Variants in NLGN4X observed in about 807,000 individuals in gnomAD.
The protein encoded by NLGN4X is neuroligin 4 X-linked, also known as neuroligin-4, X-linked.
Under a neutral mutation model 40.3 loss-of-function variants are expected in NLGN4X, and 3 were observed. The ratio of observed to expected loss-of-function variants is 0.07; its 90% confidence interval spans 0.03 to 0.19. The LOEUF (loss-of-function observed/expected upper bound fraction) is 0.19. Ranked by LOEUF, NLGN4X falls within the 10% of genes least tolerant of loss-of-function variation. The pLI, the probability that NLGN4X is intolerant of heterozygous loss-of-function variation, is 1.00. For missense variants in NLGN4X, 382 were observed against 708.3 expected (o/e 0.54, Z 5.23); for synonymous variants, 270 against 306.8 (o/e 0.88, Z 1.25).
chrX:6,134,114 G>T (rs1415588777), intron 2 of NLGN4X, among the ~76,000 whole-genome samples: 1 of 111,203 alleles, frequency 9.0e-6, no homozygotes, highest in Non-Finnish European at 1.9e-5. Flanking sequence ...TCCTGGTTGA[G>T]CTTCTCAGCT....
In NLGN4X at chrX:6,182,618, T is replaced by C. The variant is rs185901748; in HGVS notation, c.-305-30847A>G. Among the ~76,000 whole-genome samples, 3 of 111,682 alleles carry C rather than the reference T, an allele frequency of 2.7e-5. No homozygotes were observed. The East Asian group carries it at 8.5e-4, about 32-fold the overall frequency. On this transcript the variant is annotated intron_variant, in intron 1 of 5. Coordinates refer to ENST00000381095, the MANE Select transcript of NLGN4X (RefSeq NM_181332.3). ...TGCAGATGTGATTAAGTTAAGGATT[T>C]TGAGATAAAGAGATGATCCTGGGTT...
In NLGN4X at chrX:6,193,197, G is replaced by A. The variant is rs187551950; in HGVS notation, c.-306+35344C>T. On this transcript the variant is annotated intron_variant, in intron 1 of 5. Transcript: ENST00000381095. ...AGCACTCTGGGAGGCCGAGGTGGGC[G>A]GATCACGAGGTCAGGAGATCGAGAC... Among the ~76,000 whole-genome samples, 990 of 110,785 alleles carry A rather than the reference G, an allele frequency of 8.9e-3. 5 individuals carry two copies. The highest frequency in any genetic ancestry group is 0.029 in the African/African-American group (877 of 30,274).
intron 1 of NLGN4X, among the ~76,000 whole-genome samples, chrX:6,168,068 A>T (rs939242464): frequency 3.6e-5 from 4 of 112,215 alleles, no homozygotes; most frequent in African/African-American, 1.3e-4. Flanking sequence ...CCTCCTATTA[A>T]GAGCTATTCT....
chrX:6,226,164 G>T (rs764953081), intron 1 of NLGN4X, among the ~76,000 whole-genome samples: 1 of 108,273 alleles, frequency 9.2e-6, no homozygotes, highest in South Asian at 4.2e-4. Flanking sequence ...GCACCGCAGG[G>T]GCCAAAACCC....
chrX:5,984,378 T>TA (rs2035471397), intron 3 of NLGN4X, among the ~76,000 whole-genome samples: 1 of 90,641 alleles, frequency 1.1e-5, no homozygotes, highest in African/African-American at 4.6e-5. Context: ...TAATACAAAA[T>TA]ACAAAAAAAA....
chrX:5,934,460 AAT>A (rs1249611410), intron 3 of NLGN4X, among the ~76,000 whole-genome samples: 1 of 112,218 alleles, frequency 8.9e-6, no homozygotes, highest in Admixed American at 9.5e-5. Context: ...TCGAATGATC[AAT>A]ATGACAGGAA....
chrX:6,180,736 T>A (rs972474812), intron 1 of NLGN4X, among the ~76,000 whole-genome samples: 3 of 110,913 alleles, frequency 2.7e-5, no homozygotes, highest in Non-Finnish European at 3.8e-5. Context: ...TAAAAAAAAA[T>A]GTCTCAGAGT....
intron 3 of NLGN4X, among the ~76,000 whole-genome samples, chrX:5,961,015 ATTTTAT>A (rs1402021346): frequency 2.3e-3 from 260 of 111,135 alleles, no homozygotes; most frequent in African/African-American, 8.0e-3. Flanking sequence ...TATTTACTTT[ATTTTAT>A]TTTTATTTAT....
chrX:6,060,055 T>C (rs921103590), intron 2 of NLGN4X, among the ~76,000 whole-genome samples: 2 of 111,988 alleles, frequency 1.8e-5, no homozygotes, highest in African/African-American at 6.5e-5. Flanking sequence ...CAAAACTGTA[T>C]CTTTACCTTT....
intron 2 of NLGN4X, among the ~76,000 whole-genome samples, chrX:6,099,018 T>C (rs1265429967): frequency 2.7e-5 from 3 of 112,017 alleles, no homozygotes; most frequent in South Asian, 3.7e-4. Context: ...TCTGGCCTCT[T>C]CCCACTAGAC....
chrX:6,029,479 A>T (rs2036797889), intron 2 of NLGN4X, 47 bp from the exon 3 acceptor site: 1 of 1,137,723 alleles, frequency 8.8e-7, no homozygotes, highest in Non-Finnish European at 1.2e-6. Flanking sequence ...AATCACACTG[A>T]CTCACCAATG....
intron 2 of NLGN4X, among the ~76,000 whole-genome samples, chrX:6,108,589 TGGGA>T (rs2039081478): frequency 9.0e-6 from 1 of 110,798 alleles, no homozygotes; most frequent in African/African-American, 3.3e-5. Context: ...GAAGCTCAGG[TGGGA>T]GGATCACTTG....
At chrX:6,033,361 T>C (rs985901362) in intron 2 of NLGN4X, among the ~76,000 whole-genome samples, 2 of 112,145 alleles carry the variant, frequency 1.8e-5, no homozygotes, top group Non-Finnish European at 3.8e-5. Context: ...TCACTAAGAT[T>C]TACCTCTACT....
chrX:6,146,200 G>A (rs1044366772), intron 2 of NLGN4X, among the ~76,000 whole-genome samples: 2 of 110,678 alleles, frequency 1.8e-5, no homozygotes, highest in Non-Finnish European at 3.8e-5. Context: ...CTGTTACCAC[G>A]CCACACTTAA....
intron 3 of NLGN4X, among the ~76,000 whole-genome samples, chrX:6,016,322 T>C (rs1382129168): frequency 8.9e-6 from 1 of 111,928 alleles, no homozygotes; most frequent in Non-Finnish European, 1.9e-5. Flanking sequence ...TTGAGTAGAT[T>C]ACCTCTTGCC....
intron 2 of NLGN4X, among the ~76,000 whole-genome samples, chrX:6,061,180 T>C (rs908077577): frequency 2.7e-5 from 3 of 111,589 alleles, no homozygotes; most frequent in African/African-American, 9.8e-5. Context: ...GTCTTCTCCA[T>C]CAGCCCGGGT....
intron 2 of NLGN4X, among the ~76,000 whole-genome samples, chrX:6,043,332 T>C (rs2037229099): frequency 9.0e-6 from 1 of 111,154 alleles, no homozygotes; most frequent in Non-Finnish European, 1.9e-5. Flanking sequence ...ACAAAATATG[T>C]GTGTATATAT....
chrX:5,892,533 C>A lies in NLGN4X; in HGVS notation c.*284G>T, dbSNP rs3810686. The A allele has an allele frequency of 1.1e-3, 353 of 331,497 alleles. No individual in the cohort carries two copies. Among genetic ancestry groups the A allele is most frequent in the South Asian group, 1.8e-3 (46 of 25,006 alleles). 27.3% of individuals were successfully genotyped at this position (331,497 alleles called of 1,213,427 possible). On this transcript the variant is annotated 3_prime_UTR_variant, in exon 6 of 6. Transcript: ENST00000381095. ...GGTGATGTCCTATCACACTAAACAT[C>A]GATTGGAGTGGTAGAGATCTTAAAG...
At chrX:5,926,084 G>A (rs912284969) in intron 3 of NLGN4X, among the ~76,000 whole-genome samples, 22 of 103,535 alleles carry the variant, frequency 2.1e-4, no homozygotes, top group South Asian at 4.7e-4. Context: ...GAATCATGGG[G>A]GCAGTTTCCC....
Sources: gnomAD v4.1 joint callset for allele counts (sites outside exome capture counted in the v4.1 genomes callset) on GRCh38, gnomAD v4.1.1 for gene constraint, MANE v1.5 for transcripts, NCBI Gene and HGNC (gene_info 2026-07-23, HGNC 2026-07-21) for gene names.